NIBAN1: variants seen among roughly 807,000 people sequenced by gnomAD.
NIBAN1 encodes protein Niban 1.
In NIBAN1, 81 loss-of-function variants were observed where a neutral mutation model predicts 75.1. That is an observed-to-expected ratio of 1.08 (90% CI 0.90 to 1.30). The LOEUF (loss-of-function observed/expected upper bound fraction) is 1.30, where lower values mean the gene tolerates loss of function less well. Among genes scored for constraint, NIBAN1 ranks in the 50% most tolerant of loss-of-function variants. The probability of loss-of-function intolerance (pLI) is 0.00; values close to 1 mark genes in which losing one functional copy is unlikely to be tolerated. For missense variants in NIBAN1, 1,133 were observed against 1,128.1 expected (o/e 1.00, Z -0.06); for synonymous variants, 436 against 424.8 (o/e 1.03, Z -0.32).
At chr1:184,970,855 G>A (rs1053088623) in intron 1 of NIBAN1, among the ~76,000 whole-genome samples, 7 of 152,052 alleles carry the variant, frequency 4.6e-5, no homozygotes, top group African/African-American at 1.4e-4. Context: ...TTTTTGATTC[G>A]TTAAAAATTC....
chr1:184,878,754 C>T (rs1307097715), intron 5 of NIBAN1, among the ~76,000 whole-genome samples: 1 of 152,168 alleles, frequency 6.6e-6, no homozygotes, highest in Admixed American at 6.5e-5. Flanking sequence ...ACTGAGAAGA[C>T]AACATGATAT....
intron 1 of NIBAN1, among the ~76,000 whole-genome samples, chr1:184,965,171 C>T (rs547742135): frequency 9.2e-5 from 14 of 151,960 alleles, no homozygotes; most frequent in Non-Finnish European, 1.3e-4. Flanking sequence ...TGGTGGTGGG[C>T]GCCTGTAGTC....
intron 1 of NIBAN1, among the ~76,000 whole-genome samples, chr1:184,943,866 A>G (rs535348418): frequency 2.3e-4 from 35 of 152,236 alleles, no homozygotes; most frequent in Admixed American, 1.3e-4. Flanking sequence ...ATATAACAGT[A>G]TATAGTTCAC....
At chr1:184,868,736 T>C (rs1410911352) in intron 5 of NIBAN1, among the ~76,000 whole-genome samples, 2 of 115,478 alleles carry the variant, frequency 1.7e-5, no homozygotes, top group Admixed American at 1.6e-4. Flanking sequence ...GATTAGATTT[T>C]TTTTAAAAAT....
chr1:184,816,281 T>C (rs1227801831), intron 9 of NIBAN1, among the ~76,000 whole-genome samples: 3 of 152,200 alleles, frequency 2.0e-5, no homozygotes, highest in Admixed American at 2.0e-4. Flanking sequence ...TTTTAAATGT[T>C]TGCATGTAGC....
intron 5 of NIBAN1, among the ~76,000 whole-genome samples, chr1:184,852,522 C>T (rs1184322769): frequency 6.6e-6 from 1 of 152,198 alleles, no homozygotes; most frequent in East Asian, 1.9e-4. Flanking sequence ...ACTATTTCCA[C>T]TTCTGCTTCA....
chr1:184,823,820 T>G, intron 6 of NIBAN1, 78 bp from the exon 7 acceptor site: 2 of 1,225,562 alleles, frequency 1.6e-6, no homozygotes, highest in Non-Finnish European at 2.4e-6. Flanking sequence ...AAAAATGTCC[T>G]GATTGGCTGT....
intron 5 of NIBAN1, among the ~76,000 whole-genome samples, chr1:184,838,820 G>T (rs890567288): frequency 2.2e-4 from 34 of 152,160 alleles, no homozygotes; most frequent in African/African-American, 7.2e-4. Context: ...AAGCTGCCTT[G>T]TTATTTTATT....
At chr1:184,876,255 G>A (rs555046274) in intron 5 of NIBAN1, among the ~76,000 whole-genome samples, 1 of 151,716 alleles carries the variant, frequency 6.6e-6, no homozygotes, top group Admixed American at 6.6e-5. Flanking sequence ...ACAAGAAAGA[G>A]GAAACAGCTA....
In NIBAN1 at chr1:184,864,435, C is replaced by T. The variant is rs150456165; in HGVS notation, c.601+20198G>A. 3.9e-5 allele frequency among the ~76,000 whole-genome samples: 6 copies of T among 152,242 alleles called. No individual in the cohort carries two copies. The East Asian group carries it at 1.2e-3, about 29-fold the overall frequency. On this transcript the variant is annotated intron_variant, in intron 5 of 13. Transcript: ENST00000367511. ...TAGGTACATTATTCTAGTCTGTGAA[C>T]AAGTGTGAATTACACATTTGAATAG...
rs763417306 is a variant in NIBAN1 at position 184,823,082 on chromosome 1, C to A, written c.985+85G>T. The A allele has an allele frequency of 2.0e-6, 3 of 1,481,960 alleles. No homozygotes were observed. The South Asian group carries it at 3.8e-5, about 19-fold the overall frequency. 91.8% of individuals were successfully genotyped at this position (1,481,960 alleles called of 1,614,324 possible). On this transcript the variant is annotated intron_variant, in intron 8 of 13. Transcript: ENST00000367511. ...CCAATTTCTTAAGTGTAATTATCCTCTGAAACCATGCATTCCTGCTATGTG... is the reference window on the plus strand; with the variant it reads ...CCAATTTCTTAAGTGTAATTATCCTATGAAACCATGCATTCCTGCTATGTG...
intron 5 of NIBAN1, among the ~76,000 whole-genome samples, chr1:184,857,333 C>T (rs1008406394): frequency 5.3e-5 from 8 of 152,312 alleles, no homozygotes; most frequent in Non-Finnish European, 7.3e-5. Context: ...GTCCTAATGG[C>T]AGCCTTGAGC....
At chr1:184,956,171 A>G (rs1252051913) in intron 1 of NIBAN1, among the ~76,000 whole-genome samples, 3 of 151,934 alleles carry the variant, frequency 2.0e-5, no homozygotes, top group African/African-American at 7.3e-5. Flanking sequence ...TAGGACTACA[A>G]GCATGCGCCA....
rs1050392685 is a variant in NIBAN1 at position 184,871,362 on chromosome 1, A to AG, written c.601+13270_601+13271insC. Among the ~76,000 whole-genome samples, 6 of 146,660 alleles carry AG rather than the reference A, an allele frequency of 4.1e-5. No homozygotes were observed. In the East Asian group the frequency reaches 1.0e-3, roughly 25 times the overall value. On this transcript the variant is annotated intron_variant, in intron 5 of 13. Coordinates refer to ENST00000367511, the MANE Select transcript of NIBAN1 (RefSeq NM_052966.4). The stretch of plus-strand genomic sequence containing the variant: ...AACTCTATCTCAAAAAAAAAAAAAA[A>AG]AAAAAAAAAAAGAGGAAAATGTGGA...
chr1:184,956,319 G>A (rs1305887669), intron 1 of NIBAN1, among the ~76,000 whole-genome samples: 2 of 152,182 alleles, frequency 1.3e-5, no homozygotes, highest in Non-Finnish European at 2.9e-5. Context: ...CCAGGTCAGA[G>A]ATTATTGATC....
At chr1:184,818,572 T>TA (rs1654602801) in intron 9 of NIBAN1, 66 bp downstream of exon 9, 1 of 1,419,968 alleles carries the variant, frequency 7.0e-7, no homozygotes, top group Non-Finnish European at 9.5e-7. Context: ...AAATGGCAGA[T>TA]AAAGCCCCAT....
In NIBAN1 at chr1:184,820,795, AGTATTATCATCT is replaced by A. The variant is rs533929496; in HGVS notation, c.986-1982_986-1971del. On this transcript the variant is annotated intron_variant, in intron 8 of 13. Coordinates refer to ENST00000367511, the MANE Select transcript of NIBAN1 (RefSeq NM_052966.4). ...CAGCAAGTTACCGAATTTCTGCCTC[AGTATTATCATCT>A]GTAAAATGGAGATCATAAAAGCAAT... Among the ~76,000 whole-genome samples the A allele has an allele frequency of 7.2e-5, 11 of 152,378 alleles. No individual in the cohort carries two copies. The South Asian group carries it at 1.2e-3, about 17-fold the overall frequency.
At chr1:184,934,049 G>T (rs1557920521) in intron 1 of NIBAN1, among the ~76,000 whole-genome samples, 1 of 152,130 alleles carries the variant, frequency 6.6e-6, no homozygotes, top group Admixed American at 6.5e-5. Context: ...CAAGAAAGAG[G>T]CAATAAAAGA....
chr1:184,912,528 T>A (rs928810570), intron 1 of NIBAN1, among the ~76,000 whole-genome samples: 16 of 152,152 alleles, frequency 1.1e-4, no homozygotes, highest in African/African-American at 3.9e-4. Flanking sequence ...ACTTCCACAT[T>A]TTTGCCTGTT....
Sources: allele counts gnomAD v4.1 joint callset (sites outside exome capture counted in the v4.1 genomes callset), GRCh38; gene constraint gnomAD v4.1.1; transcripts MANE v1.5; gene names NCBI Gene and HGNC (gene_info 2026-07-23, HGNC 2026-07-21).